Variants in UBTD2 observed in about 807,000 individuals in gnomAD.
UBTD2 encodes the protein ubiquitin domain containing 2, also known as ubiquitin domain-containing protein 2.
A neutral mutation model predicts 19.8 loss-of-function variants in UBTD2; 9 were observed. The ratio of observed to expected loss-of-function variants is 0.46; its 90% confidence interval spans 0.27 to 0.79. The LOEUF (loss-of-function observed/expected upper bound fraction) is 0.79. UBTD2 is among the 30% of genes least tolerant of loss of function. UBTD2 has a pLI of 0.14. For synonymous variants in UBTD2, 98 were observed against 103.9 expected (o/e 0.94, Z 0.35); for missense variants, 250 against 300.4 (o/e 0.83, Z 1.24).
chr5:172,283,516 G>C lies in UBTD2; in HGVS notation c.70+80C>G. The C allele has an allele frequency of 8.8e-7, 1 of 1,135,914 alleles. No individual in the cohort carries two copies. Among genetic ancestry groups the C allele is most frequent in the Non-Finnish European group, 1.1e-6 (1 of 894,628 alleles). The allele number at this position is 1,135,914 out of a possible 1,614,324, so 70.4% of individuals were successfully genotyped here. The stretch of plus-strand genomic sequence containing the variant: ...ACAAAGGGGCGCGGGGGCCCGGCGC[G>C]GCCCGCGGGGGTCGGGACAGGTGGC... On this transcript the variant is annotated intron_variant, in intron 1 of 2. Coordinates refer to ENST00000393792, the MANE Select transcript of UBTD2 (RefSeq NM_152277.3). This position sits in a 1 kb window ranked among gnomAD's most constrained non-coding sequence, Gnocchi z 4.3.
chr5:172,211,198 T>C lies in UBTD2; in HGVS notation c.*632A>G, dbSNP rs1343511359. ...CACCAAAATTTAGTGTGAATGTAAA[T>C]AAGGAGCTCAAGATGTGGGGATGAG... On this transcript the variant is annotated 3_prime_UTR_variant, in exon 3 of 3. Transcript: ENST00000393792. 6.6e-6 allele frequency: 1 copy of C among 152,066 alleles called. No homozygotes were observed. The highest frequency in any genetic ancestry group is 1.5e-5 in the Non-Finnish European group (1 of 68,018). 9.4% of individuals were successfully genotyped at this position (152,066 alleles called of 1,614,324 possible).
intron 1 of UBTD2, among the ~76,000 whole-genome samples, chr5:172,279,006 G>A (rs1018515360): frequency 1.3e-5 from 2 of 152,290 alleles, no homozygotes; most frequent in Admixed American, 6.5e-5. Context: ...TTGAACTCCT[G>A]ACCTCAAGTG....
chr5:172,239,578 G>A (rs1274176966), intron 1 of UBTD2, among the ~76,000 whole-genome samples: 1 of 151,060 alleles, frequency 6.6e-6, no homozygotes, highest in Non-Finnish European at 1.5e-5. Flanking sequence ...CTGCCACCAC[G>A]CCTAGCTGAT....
rs1233035912 is a variant in UBTD2, at chr5:172,244,365, C to T, written c.71-10007G>A. Among the ~76,000 whole-genome samples the T allele has an allele frequency of 2.1e-5, 3 of 145,594 alleles. No homozygotes were observed. The East Asian group carries it at 6.1e-4, about 29-fold the overall frequency. Reference sequence around the variant, plus strand: ...AGGCTGGAGTGCAGTGGCACAATCTCGTCTCACTACAACCTCTGCCTCCCA... The same window carrying T: ...AGGCTGGAGTGCAGTGGCACAATCTTGTCTCACTACAACCTCTGCCTCCCA... On this transcript the variant is annotated intron_variant, in intron 1 of 2. Coordinates refer to ENST00000393792, the MANE Select transcript of UBTD2 (RefSeq NM_152277.3).
intron 1 of UBTD2, among the ~76,000 whole-genome samples, chr5:172,245,045 A>G (rs1754848731): frequency 6.6e-6 from 1 of 152,208 alleles, no homozygotes; most frequent in African/African-American, 2.4e-5. Context: ...GCAGTCTTTT[A>G]AAAGTTCCTA....
rs552710888 is a variant in UBTD2, at chr5:172,262,581, G to A, written c.70+21015C>T. Among the ~76,000 whole-genome samples, 15 of 152,180 alleles carry A rather than the reference G, an allele frequency of 9.9e-5. 1 individual carries two copies. In the South Asian group the frequency reaches 2.7e-3, roughly 27 times the overall value. On this transcript the variant is annotated intron_variant, in intron 1 of 2. Transcript: ENST00000393792. ...AATCCCAGCACTTTGGGAGGCCGAG[G>A]TAGACGGATCACTTGAGGCCAGGAG...
Position 172,211,991 on chromosome 5 carries a change from G to A in UBTD2, c.544C>T (p.His182Tyr). The A allele has an allele frequency of 6.2e-7, 1 of 1,614,220 alleles. No homozygotes were observed. The highest frequency in any genetic ancestry group is 8.5e-7 in the Non-Finnish European group (1 of 1,180,040). ...DTVFHMKRRL[H>Y]AAEGVEPGSQ... Reference sequence around the variant, plus strand: ...CCTGGTTCCACTCCCTCTGCTGCATGCAACCGTCTCTTCATGTGGAATACT... The same window carrying A: ...CCTGGTTCCACTCCCTCTGCTGCATACAACCGTCTCTTCATGTGGAATACT... Residue 182 changes from histidine to tyrosine, a missense_variant, in exon 3 of 3, where the codon CAT becomes TAT. Transcript: ENST00000393792.
At chr5:172,218,799 A>AAAAAAAAAAAAAAAAAAAAAAAT (rs1561849260) in intron 2 of UBTD2, among the ~76,000 whole-genome samples, 2 of 59,732 alleles carry the variant, frequency 3.3e-5, no homozygotes, top group Admixed American at 1.6e-4. Context: ...ATAAAAAAAT[A>AAAAAAAAAAAAAAAAAAAAAAAT]AAAAAAAAAA....
At chr5:172,255,027 A>C (rs1409071574) in intron 1 of UBTD2, 1 of 548,014 alleles carries the variant, frequency 1.8e-6, no homozygotes, top group Non-Finnish European at 3.6e-6. Context: ...CCCAGGCTCC[A>C]TATTCTGTGC....
intron 1 of UBTD2, among the ~76,000 whole-genome samples, chr5:172,240,722 A>G (rs1215219168): frequency 6.6e-6 from 1 of 152,194 alleles, no homozygotes; most frequent in African/African-American, 2.4e-5. Context: ...CACACAATTA[A>G]GTCCTCCCCA....
intron 1 of UBTD2, among the ~76,000 whole-genome samples, chr5:172,243,982 C>T (rs1418820498): frequency 6.6e-6 from 1 of 151,796 alleles, no homozygotes; most frequent in Non-Finnish European, 1.5e-5. Context: ...GGGTTGCCTC[C>T]TTGGTTTCAA....
chr5:172,265,435 C>T (rs902997477), intron 1 of UBTD2, among the ~76,000 whole-genome samples: 12 of 152,036 alleles, frequency 7.9e-5, no homozygotes, highest in African/African-American at 1.7e-4. Flanking sequence ...CCTGGGTTCA[C>T]GCCATTCTCC....
intron 2 of UBTD2, among the ~76,000 whole-genome samples, chr5:172,230,114 C>G (rs1325669118): frequency 6.6e-6 from 1 of 152,106 alleles, no homozygotes; most frequent in African/African-American, 2.4e-5. Context: ...TATGTTCATA[C>G]CATTCTCAAT....
chr5:172,239,442 T>C (rs938910594), intron 1 of UBTD2, among the ~76,000 whole-genome samples: 1 of 152,078 alleles, frequency 6.6e-6, no homozygotes, highest in African/African-American at 2.4e-5. Flanking sequence ...TCCTTTGAGA[T>C]GGAGTTTCAC....
chr5:172,213,261 G>A (rs1771484590), intron 2 of UBTD2, among the ~76,000 whole-genome samples: 1 of 152,082 alleles, frequency 6.6e-6, no homozygotes, highest in African/African-American at 2.4e-5. Flanking sequence ...AAAGTGCTGA[G>A]ATTACAGGCA....
intron 1 of UBTD2, among the ~76,000 whole-genome samples, chr5:172,269,834 T>G (rs917868442): frequency 6.6e-6 from 1 of 151,366 alleles, no homozygotes; most frequent in African/African-American, 2.4e-5. Flanking sequence ...TCCCAGCACT[T>G]TGGGAGGCCG....
intron 2 of UBTD2, 53 bp downstream of exon 2, chr5:172,234,069 T>C (rs1441260097): frequency 6.3e-7 from 1 of 1,576,004 alleles, no homozygotes; most frequent in African/African-American, 1.3e-5. Flanking sequence ...TTTCTTGCTA[T>C]CAGAAACAAA....
At chr5:172,255,196 G>A in intron 1 of UBTD2, 1 of 445,520 alleles carries the variant, frequency 2.2e-6, no homozygotes. Context: ...CTTGAGAGAG[G>A]GGTGCAAATT....
intron 1 of UBTD2, among the ~76,000 whole-genome samples, chr5:172,248,022 G>A (rs955134584): frequency 5.3e-5 from 8 of 151,900 alleles, no homozygotes; most frequent in African/African-American, 1.9e-4. Flanking sequence ...AAGGAAAACT[G>A]GAAAATTCAC....
Sources: allele counts gnomAD v4.1 joint callset (sites outside exome capture counted in the v4.1 genomes callset), GRCh38; gene constraint gnomAD v4.1.1; non-coding constraint Gnocchi (gnomAD v3.1); transcripts MANE v1.5; gene names NCBI Gene and HGNC (gene_info 2026-07-23, HGNC 2026-07-21).